Variants in COG5 observed in about 807,000 individuals in gnomAD.
COG5 encodes conserved oligomeric Golgi complex subunit 5.
A neutral mutation model predicts 110.4 loss-of-function variants in COG5; 86 were observed. That is an observed-to-expected ratio of 0.78 (90% CI 0.65 to 0.93). The LOEUF (loss-of-function observed/expected upper bound fraction) is 0.93, where lower values mean the gene tolerates loss of function less well. Among genes scored for constraint, COG5 ranks in the 40% least tolerant of loss-of-function variants. The pLI is 0.00. For synonymous variants in COG5, 360 were observed against 334.6 expected, an observed-to-expected ratio of 1.08 and a Z score of -0.83; for missense variants, 1,077 against 987.0, an observed-to-expected ratio of 1.09 and a Z score of -1.22.
chr7:107,306,830 T>G (rs145538898), intron 11 of COG5, among the ~76,000 whole-genome samples: 1 of 152,194 alleles, frequency 6.6e-6, no homozygotes, highest in Non-Finnish European at 1.5e-5. Flanking sequence ...ATTTTCTACC[T>G]TCTTCCCGTC....
chr7:107,511,079 C>T (rs1799466518), intron 6 of COG5, among the ~76,000 whole-genome samples: 2 of 147,040 alleles, frequency 1.4e-5, no homozygotes, highest in African/African-American at 2.5e-5. Context: ...ACACAAAATA[C>T]CGTTCAAAAA....
chr7:107,350,382 C>T (rs1051974708), intron 10 of COG5, among the ~76,000 whole-genome samples: 3 of 152,062 alleles, frequency 2.0e-5, no homozygotes, highest in Admixed American at 6.6e-5. Flanking sequence ...TATTTCTAAA[C>T]GTTCTACTGG....
chr7:107,554,281 A>C lies in COG5; in HGVS notation c.292+4T>G. ...ATAATCTCTAGCAGTTATTAGAAAT[A>C]TACCTTCCAACGACTCAATCCCAGT... On this transcript the variant is annotated splice_donor_region_variant and intron_variant, in intron 3 of 21. Transcript: ENST00000297135. The C allele has an allele frequency of 6.2e-7, 1 of 1,613,294 alleles. No individual in the cohort carries two copies. The highest frequency in any genetic ancestry group is 2.2e-5 in the East Asian group (1 of 44,854).
chr7:107,202,152 T>TAACA lies in COG5; in HGVS notation c.*1360_*1363dup, dbSNP rs539124790. ...GATATAGTCACTGTAATGGTGCTAT[T>TAACA]AACAAACAGTCAACACCATTGTATT... On this transcript the variant is annotated 3_prime_UTR_variant, in exon 22 of 22. Transcript: ENST00000297135. 14 of 152,798 alleles carry TAACA rather than the reference T, an allele frequency of 9.2e-5. No homozygotes were observed. The highest frequency in any genetic ancestry group is 1.9e-4 in the East Asian group (1 of 5,188). The allele number at this position is 152,798 out of a possible 1,614,324, so 9.5% of individuals were successfully genotyped here. A position where few individuals can be genotyped will look rare whatever the true frequency, so the allele number is the denominator to read the frequency against.
intron 18 of COG5, among the ~76,000 whole-genome samples, chr7:107,234,030 G>A (rs1009053446): frequency 6.6e-6 from 1 of 152,162 alleles, no homozygotes; most frequent in African/African-American, 2.4e-5. Flanking sequence ...TCACAGATAT[G>A]ATTAATTATG....
chr7:107,546,848 AG>A (rs1802492559), intron 5 of COG5, among the ~76,000 whole-genome samples: 1 of 152,184 alleles, frequency 6.6e-6, no homozygotes, highest in Non-Finnish European at 1.5e-5. Flanking sequence ...AAATCTTAAC[AG>A]ATCAATAGTG....
rs546828201 is a variant in COG5, at chr7:107,438,904, T to C, written c.539-26272A>G. ...AGGCATTGTTTTCTCCTTTATCCCT[T>C]CTACCACATGGTCTGGAGGTTAGGT... On this transcript the variant is annotated intron_variant, in intron 6 of 21. Transcript: ENST00000297135. Among the ~76,000 whole-genome samples, 3 of 152,276 alleles carry C rather than the reference T, an allele frequency of 2.0e-5. No homozygotes were observed. In the South Asian group the frequency reaches 6.2e-4, roughly 32 times the overall value.
intron 2 of COG5, 29 bp downstream of exon 2, chr7:107,557,947 T>C (rs1209542933): frequency 1.2e-6 from 2 of 1,612,958 alleles, no homozygotes; most frequent in East Asian, 4.5e-5. Flanking sequence ...GGCTGAATAA[T>C]CCATAGGGAC....
chr7:107,244,200 C>T (rs1297651897), intron 17 of COG5, among the ~76,000 whole-genome samples: 1 of 152,058 alleles, frequency 6.6e-6, no homozygotes, highest in Non-Finnish European at 1.5e-5. Flanking sequence ...AGCAGTGAGC[C>T]AAGATCACGC....
chr7:107,526,594 A>G (rs1800768442), intron 6 of COG5, among the ~76,000 whole-genome samples: 1 of 152,238 alleles, frequency 6.6e-6, no homozygotes, highest in South Asian at 2.1e-4. Context: ...TCACATAAAG[A>G]ACTGTACACC....
intron 16 of COG5, 115 bp downstream of exon 16, chr7:107,256,617 C>T: frequency 1.4e-6 from 1 of 704,664 alleles, no homozygotes; most frequent in Non-Finnish European, 2.5e-6. Flanking sequence ...CAACATGCTA[C>T]TTTTGTATAT....
At chr7:107,216,806 A>G (rs1799565420) in intron 19 of COG5, among the ~76,000 whole-genome samples, 1 of 152,148 alleles carries the variant, frequency 6.6e-6, no homozygotes, top group African/African-American at 2.4e-5. Context: ...AAACATCTCA[A>G]ATAAAGAACC....
At chr7:107,464,993 T>C (rs1796214175) in intron 6 of COG5, among the ~76,000 whole-genome samples, 1 of 152,094 alleles carries the variant, frequency 6.6e-6, no homozygotes, top group Non-Finnish European at 1.5e-5. Context: ...GAGAAATGGA[T>C]GGAGTAAAGG....
chr7:107,506,999 G>A (rs185148576), intron 6 of COG5, among the ~76,000 whole-genome samples: 5 of 152,320 alleles, frequency 3.3e-5, no homozygotes, highest in South Asian at 2.1e-4. Flanking sequence ...GGGAAAGCAC[G>A]CAAGGCTGCT....
chr7:107,491,672 G>A (rs1018156774), intron 6 of COG5, among the ~76,000 whole-genome samples: 2 of 151,962 alleles, frequency 1.3e-5, no homozygotes, highest in African/African-American at 4.8e-5. Flanking sequence ...CAAAATTAGG[G>A]GACCAGAGTA....
intron 5 of COG5, among the ~76,000 whole-genome samples, chr7:107,547,762 A>G (rs2712215): frequency 0.28 from 42,042 of 151,756 alleles, 5,854 homozygotes; most frequent in East Asian, 0.33. Context: ...TAATCAGAAA[A>G]ACAATCCCAT....
chr7:107,262,246 C>T (rs577699698), intron 14 of COG5, among the ~76,000 whole-genome samples: 1 of 152,210 alleles, frequency 6.6e-6, no homozygotes, highest in South Asian at 2.1e-4. Context: ...CCCAAATGTA[C>T]CACCTTCTCA....
intron 10 of COG5, among the ~76,000 whole-genome samples, chr7:107,335,113 A>G (rs934348859): frequency 2.0e-5 from 3 of 152,208 alleles, no homozygotes; most frequent in Admixed American, 1.3e-4. Flanking sequence ...GTTAAAATGT[A>G]AAGTTTTTAA....
chr7:107,394,637 A>C (rs969788626), intron 7 of COG5, among the ~76,000 whole-genome samples: 2 of 152,252 alleles, frequency 1.3e-5, no homozygotes, highest in Non-Finnish European at 2.9e-5. Context: ...GCCATAGGCT[A>C]ATATGAGATA....
Sources: allele counts gnomAD v4.1 joint callset (sites outside exome capture counted in the v4.1 genomes callset), GRCh38; gene constraint gnomAD v4.1.1; transcripts MANE v1.5; gene names NCBI Gene and HGNC (gene_info 2026-07-23, HGNC 2026-07-21).